Variants in RHEX observed in about 807,000 individuals in gnomAD.
RHEX encodes the protein regulator of hemoglobinization and erythroid cell expansion.
In RHEX, 18 loss-of-function variants were observed where a neutral mutation model predicts 20.1. The ratio of observed to expected loss-of-function variants is 0.90; its 90% CI spans 0.62 to 1.33. The LOEUF (loss-of-function observed/expected upper bound fraction) is 1.33. Among genes scored for constraint, RHEX ranks in the 40% most tolerant of loss-of-function variants. The probability of loss-of-function intolerance (pLI) is 0.00; values close to 1 mark genes in which losing one functional copy is unlikely to be tolerated. For missense variants in RHEX, 192 were observed against 214.3 expected (o/e 0.90, Z 0.65); for synonymous variants, 87 against 77.1 (o/e 1.13, Z -0.67).
At position 206,101,207 on chromosome 1, in the gene RHEX, G is replaced by A; in HGVS notation, c.318+10G>A. On this transcript the variant is annotated intron_variant, in intron 5 of 5. Transcript: ENST00000331555. ...GCCTCCTGCCTGCCAGGTAATGGAT[G>A]TGCCTAGTGATCTCAGACGAACATA... is the stretch of plus-strand genomic sequence containing the variant. 1.2e-6 allele frequency: 2 copies of A among 1,605,836 alleles called. No individual in the cohort carries two copies. The highest frequency in any genetic ancestry group is 1.7e-6 in the Non-Finnish European group (2 of 1,174,974).
In RHEX at chr1:206,097,802, C is replaced by T. The variant is rs782341931; in HGVS notation, c.-27C>T. ...AGGGTGGTTCCTGAAAGTGCCTGAG[C>T]CCCAACTTATCAGCAAGGAGCTCAT... On this transcript the variant is annotated 5_prime_UTR_variant, in exon 2 of 6. Transcript: ENST00000331555. 19 of 1,613,938 alleles carry T rather than the reference C, an allele frequency of 1.2e-5. No individual in the cohort carries two copies. The highest frequency in any genetic ancestry group is 1.6e-5 in the Non-Finnish European group (19 of 1,179,802).
chr1:206,092,064 T>TTC (rs542509735), intron 1 of RHEX, among the ~76,000 whole-genome samples: 1 of 151,600 alleles, frequency 6.6e-6, no homozygotes, highest in African/African-American at 2.4e-5. Context: ...CTCTCTCTCT[T>TTC]TCTCTCTCTT....
At chr1:206,081,578 C>T (rs1248393983) in intron 1 of RHEX, among the ~76,000 whole-genome samples, 1 of 152,174 alleles carries the variant, frequency 6.6e-6, no homozygotes, top group African/African-American at 2.4e-5. Context: ...GCAACGCAGT[C>T]CTAGCAAGAG....
At chr1:206,057,090 G>T (rs1558166877) in intron 1 of RHEX, among the ~76,000 whole-genome samples, 1 of 152,232 alleles carries the variant, frequency 6.6e-6, no homozygotes, top group Admixed American at 6.5e-5. Flanking sequence ...AAAAGGAGAG[G>T]TTCAAAAACG....
Position 206,101,146 on chromosome 1 carries a change from C to T in RHEX, c.267C>T (p.Asp89=), listed in dbSNP as rs77845063. 16 of 1,612,778 alleles carry T rather than the reference C, an allele frequency of 9.9e-6. No homozygotes were observed. The East Asian group carries it at 2.2e-4, about 22-fold the overall frequency. ...TCTATTTCTCCCCAGATGACAGCGACACACCCTCAGATAGCTTGGATAGCT... is the reference window on the plus strand; with the variant it reads ...TCTATTTCTCCCCAGATGACAGCGATACACCCTCAGATAGCTTGGATAGCT... The part of the protein sequence containing the change: ...MSDSLYRHDS[D]TPSDSLDSSC... Residue 89 remains aspartate, a synonymous_variant, in exon 5 of 6, where the codon GAC becomes GAT. Transcript: ENST00000331555.
At chr1:206,068,725 G>A (rs1662475315) in intron 1 of RHEX, among the ~76,000 whole-genome samples, 1 of 152,160 alleles carries the variant, frequency 6.6e-6, no homozygotes, top group African/African-American at 2.4e-5. Context: ...TAAAACTTGG[G>A]TGGAAATTTT....
chr1:206,073,697 A>G (rs782677413), intron 1 of RHEX, among the ~76,000 whole-genome samples: 14 of 152,114 alleles, frequency 9.2e-5, no homozygotes, highest in Non-Finnish European at 2.1e-4. Flanking sequence ...CACTTGCCCA[A>G]GCTGGAAATC....
At position 206,078,327 on chromosome 1, in the gene RHEX, C is replaced by G. The variant is rs1333006658; in HGVS notation, c.-96-19406C>G. On this transcript the variant is annotated intron_variant, in intron 1 of 5. Coordinates refer to ENST00000331555, the MANE Select transcript of RHEX (RefSeq NM_001007544.4). ...GGCCGAGGCAGGAGGATCCCTTGAG[C>G]CCAGGACTTTGAGACCAGCTTAGGC... Among the ~76,000 whole-genome samples, 4 of 152,148 alleles carry G rather than the reference C, an allele frequency of 2.6e-5. No individual in the cohort carries two copies. In the East Asian group the frequency reaches 7.7e-4, roughly 29 times the overall value.
chr1:206,098,142 T>C lies in RHEX; in HGVS notation c.73T>C (p.Phe25Leu). Reference protein sequence around the residue: ...AVVSLFLQACFLTAINYLLSR... With the variant: ...AVVSLFLQACLLTAINYLLSR... ...GGTGTCCCTCTTCCTGCAGGCCTGCTTCCTCACCGCCATCAACTACCTGCT... is the reference window on the plus strand; with the variant it reads ...GGTGTCCCTCTTCCTGCAGGCCTGCCTCCTCACCGCCATCAACTACCTGCT... Residue 25 changes from phenylalanine to leucine, a missense_variant, in exon 3 of 6, where the codon TTC becomes CTC. Physicochemically the swap from Phe to Leu is conservative, Grantham distance 22. Transcript: ENST00000331555. 1 of 1,613,502 alleles carries C rather than the reference T, an allele frequency of 6.2e-7. No individual in the cohort carries two copies. The highest frequency in any genetic ancestry group is 8.5e-7 in the Non-Finnish European group (1 of 1,179,456).
chr1:206,082,462 G>A (rs527843479), intron 1 of RHEX, among the ~76,000 whole-genome samples: 182 of 151,930 alleles, frequency 1.2e-3, no homozygotes, highest in Non-Finnish European at 2.1e-3. Flanking sequence ...AGGTTGCAGC[G>A]GGCCGAGGTC....
chr1:206,073,883 G>A (rs1222611503), intron 1 of RHEX, among the ~76,000 whole-genome samples: 2 of 152,088 alleles, frequency 1.3e-5, no homozygotes, highest in Non-Finnish European at 2.9e-5. Flanking sequence ...ACTTAATCTT[G>A]CCTCCTTTTG....
chr1:206,073,019 G>A (rs1218271381), intron 1 of RHEX, among the ~76,000 whole-genome samples: 2 of 151,868 alleles, frequency 1.3e-5, no homozygotes, highest in African/African-American at 4.8e-5. Flanking sequence ...TGTATTTTTG[G>A]TAGAGACAGG....
At chr1:206,089,523 T>G (rs1553286756) in intron 1 of RHEX, among the ~76,000 whole-genome samples, 1 of 152,222 alleles carries the variant, frequency 6.6e-6, no homozygotes, top group Non-Finnish European at 1.5e-5. Context: ...TGTTTTTTTC[T>G]TTAGATTGCT....
At chr1:206,085,044 A>C (rs1662811657) in intron 1 of RHEX, among the ~76,000 whole-genome samples, 1 of 152,124 alleles carries the variant, frequency 6.6e-6, no homozygotes, top group Non-Finnish European at 1.5e-5. Context: ...GTTTTCTTTC[A>C]CTGAATCAGT....
At chr1:206,085,918 C>T (rs1662829433) in intron 1 of RHEX, among the ~76,000 whole-genome samples, 2 of 152,104 alleles carry the variant, frequency 1.3e-5, no homozygotes, top group South Asian at 4.1e-4. Flanking sequence ...TGAGCCCTAG[C>T]CTCATAACCA....
At chr1:206,077,263 G>T (rs1296703812) in intron 1 of RHEX, among the ~76,000 whole-genome samples, 7 of 152,138 alleles carry the variant, frequency 4.6e-5, no homozygotes, top group African/African-American at 1.7e-4. Flanking sequence ...GAAAAAAAAA[G>T]ATGTCTAAGC....
At chr1:206,063,249 C>T (rs1553283607) in intron 1 of RHEX, among the ~76,000 whole-genome samples, 3 of 152,166 alleles carry the variant, frequency 2.0e-5, no homozygotes, top group Admixed American at 1.3e-4. Flanking sequence ...TGGAATGGAA[C>T]TGGGGGGTTG....
At chr1:206,080,843 C>T (rs1317960738) in intron 1 of RHEX, among the ~76,000 whole-genome samples, 1 of 152,158 alleles carries the variant, frequency 6.6e-6, no homozygotes, top group Non-Finnish European at 1.5e-5. Context: ...CACTGTGTCA[C>T]CCAGGCTGGA....
intron 1 of RHEX, among the ~76,000 whole-genome samples, chr1:206,074,387 G>A (rs1662593514): frequency 1.3e-5 from 2 of 152,206 alleles, no homozygotes; most frequent in South Asian, 2.1e-4. Flanking sequence ...ATGAATGAAT[G>A]GATGAATAAA....
Sources: gnomAD v4.1 joint callset for allele counts (sites outside exome capture counted in the v4.1 genomes callset) on GRCh38, gnomAD v4.1.1 for gene constraint, MANE v1.5 for transcripts, NCBI Gene and HGNC (gene_info 2026-07-23, HGNC 2026-07-21) for gene names.